Variants in PCDHA9 observed in about 807,000 individuals in gnomAD.
PCDHA9 encodes protocadherin alpha 9, also known as protocadherin alpha-9.
Under a neutral mutation model 62.0 loss-of-function variants are expected in PCDHA9, and 62 were observed. The ratio of observed to expected loss-of-function variants is 1.00; its 90% CI spans 0.81 to 1.23. The LOEUF is 1.23. Ranked by LOEUF, PCDHA9 falls within the 50% of genes most tolerant of loss-of-function variation. The pLI is 0.00. For synonymous variants in PCDHA9, 557 were observed against 567.6 expected, an observed-to-expected ratio of 0.98 and a Z score of 0.27; for missense variants, 1,205 against 1,249.8, an observed-to-expected ratio of 0.96 and a Z score of 0.54.
At position 141,009,849 on chromosome 5, in the gene PCDHA9, C is replaced by T. The variant is rs782348993; in HGVS notation, c.2765C>T (p.Thr922Ile). 54 of 1,613,364 alleles carry T rather than the reference C, an allele frequency of 3.3e-5. No individual in the cohort carries two copies. The South Asian group carries it at 5.8e-4, about 17-fold the overall frequency. ...DFITFGKKEETKKKKKKKKGN... is the reference protein window; with the variant it reads ...DFITFGKKEEIKKKKKKKKGN... ...ATAACCTTCGGCAAAAAGGAGGAGA[C>T]CAAGAAAAAGAAGAAAAAGAAGAAG... Residue 922 changes from threonine to isoleucine, a missense_variant, in exon 4 of 4, where the codon ACC becomes ATC. Around this residue, in one of 3 missense-constraint regions of PCDHA9, gnomAD observed 887 missense variants for 809.5 expected, o/e 1.10. Transcript: ENST00000532602.
intron 1 of PCDHA9, among the ~76,000 whole-genome samples, chr5:140,952,008 G>A (rs1427518321): frequency 6.6e-6 from 1 of 152,132 alleles, no homozygotes; most frequent in Non-Finnish European, 1.5e-5. Context: ...AAGAATTATA[G>A]GCCCCATGCA....
At position 140,848,612 on chromosome 5, in the gene PCDHA9, C is replaced by T. The variant is rs141640003; in HGVS notation, c.117C>T (p.Ala39=). The T allele has an allele frequency of 2.7e-3, 4,330 of 1,586,952 alleles. 470 individuals carry two copies. Among genetic ancestry groups the T allele is most frequent in the Middle Eastern group, 9.9e-3 (57 of 5,730 alleles). The change falls in exon 1 of 4, where the codon GCC becomes GCT. Residue 39 remains alanine, a synonymous_variant. Coordinates refer to ENST00000532602, the MANE Select transcript of PCDHA9 (RefSeq NM_031857.2). Reference sequence around the variant, plus strand: ...TCCACTACTCCGTCCCGGAGGAAGCCGAACACGGCACCTTCGTGGGCCGCA... The same window carrying T: ...TCCACTACTCCGTCCCGGAGGAAGCTGAACACGGCACCTTCGTGGGCCGCA... ...GQLHYSVPEE[A]EHGTFVGRIA... is the part of the protein sequence containing the mutation.
At chr5:140,995,653 G>A (rs964259982) in intron 3 of PCDHA9, among the ~76,000 whole-genome samples, 1 of 152,100 alleles carries the variant, frequency 6.6e-6, no homozygotes, top group Non-Finnish European at 1.5e-5. Context: ...AAGGAGAATC[G>A]AAAAGGGAAG....
chr5:140,896,276 G>A (rs1368035002), intron 1 of PCDHA9, among the ~76,000 whole-genome samples: 1 of 152,176 alleles, frequency 6.6e-6, no homozygotes, highest in Non-Finnish European at 1.5e-5. Context: ...GGATTTGCTG[G>A]CTTGAATGGT....
At chr5:140,882,658 G>T in intron 1 of PCDHA9, 4 of 1,614,148 alleles carry the variant, frequency 2.5e-6, no homozygotes, top group South Asian at 1.1e-5. Flanking sequence ...ACGACAACCC[G>T]CCCATATTCC....
In PCDHA9 at chr5:140,848,502, T is replaced by C. The variant is rs2150411498; in HGVS notation, c.7T>C (p.Tyr3His). The change falls in exon 1 of 4, where the codon TAC (tyrosine) becomes CAC (histidine). Residue 3 changes from tyrosine (Y) to histidine (H), a missense_variant. Tyr to His is a moderately conservative substitution (Grantham distance 83). Around this residue, in one of 3 missense-constraint regions of PCDHA9, gnomAD observed 208 missense variants for 213.2 expected, o/e 0.98. Coordinates refer to ENST00000532602, the MANE Select transcript of PCDHA9 (RefSeq NM_031857.2). Reference protein sequence around the residue: MLYSSRGDPEGQP... With the variant: MLHSSRGDPEGQP... ...AGAAGACTGAGTATTTGAAATGTTA[T>C]ACTCAAGTCGAGGAGATCCAGAGGG... is the stretch of plus-strand genomic sequence containing the variant. 1 of 1,586,510 alleles carries C rather than the reference T, an allele frequency of 6.3e-7. No homozygotes were observed. The highest frequency in any genetic ancestry group is 8.6e-7 in the Non-Finnish European group (1 of 1,160,900).
intron 3 of PCDHA9, among the ~76,000 whole-genome samples, chr5:140,994,140 A>G (rs768317904): frequency 7.2e-5 from 11 of 152,230 alleles, no homozygotes; most frequent in Non-Finnish European, 1.5e-4. Context: ...ATAATGCCCT[A>G]CGTAGGTAGG....
At chr5:140,959,285 G>A (rs2095478960) in intron 1 of PCDHA9, among the ~76,000 whole-genome samples, 1 of 152,002 alleles carries the variant, frequency 6.6e-6, no homozygotes, top group African/African-American at 2.4e-5. Flanking sequence ...CCTGAGGTGG[G>A]AGCATCACTG....
intron 1 of PCDHA9, chr5:140,929,115 C>T: frequency 6.2e-7 from 1 of 1,614,136 alleles, no homozygotes. Context: ...CATCAGCCAC[C>T]ATAGATGTCA....
chr5:140,879,806 T>C (rs2058125905), intron 1 of PCDHA9, among the ~76,000 whole-genome samples: 1 of 152,250 alleles, frequency 6.6e-6, no homozygotes, highest in Non-Finnish European at 1.5e-5. Context: ...CCAGTTTCTA[T>C]TGGCTGTTGG....
chr5:140,998,708 G>A (rs2153953637), intron 3 of PCDHA9, among the ~76,000 whole-genome samples: 1 of 152,142 alleles, frequency 6.6e-6, no homozygotes, highest in South Asian at 2.1e-4. Context: ...GGGATTACAA[G>A]CTTGCACCAC....
At chr5:140,869,882 T>C (rs1181573683) in intron 1 of PCDHA9, 1 of 1,610,250 alleles carries the variant, frequency 6.2e-7, no homozygotes, top group African/African-American at 1.3e-5. Flanking sequence ...AAAGAAACTC[T>C]TGTGCTCAAA....
At chr5:140,917,330 A>G (rs155802) in intron 1 of PCDHA9, among the ~76,000 whole-genome samples, 15,235 of 96,446 alleles carry the variant, frequency 0.16, 1,247 homozygotes, top group East Asian at 0.38. Context: ...GTGGCGGGGG[A>G]GGGGGGGGAT....
At chr5:140,924,895 AAAAAAAAAAATAAAATAAAATAAAAT>A (rs1157767234) in intron 1 of PCDHA9, among the ~76,000 whole-genome samples, 8 of 132,230 alleles carry the variant, frequency 6.1e-5, no homozygotes, top group East Asian at 2.1e-4. Flanking sequence ...AACCTGTCTC[AAAAAAAAAAATAAAATAAAATAAAAT>A]AAAATAAAAT....
rs2150532197 is a variant in PCDHA9, at chr5:140,853,456, T to A, written c.2394+2567T>A. 114 of 975,538 alleles carry A rather than the reference T, an allele frequency of 1.2e-4. 11 individuals are homozygous for A. The Admixed American group carries it at 6.5e-3, about 55-fold the overall frequency. The allele number at this position is 975,538 out of a possible 1,614,324, so 60.4% of individuals were successfully genotyped here. A position where few individuals can be genotyped will look rare whatever the true frequency, so the allele number is the denominator to read the frequency against. ...TCCTATTTTGCCTAATAGGTCTCCT[T>A]ATATGCATCTGTAGTTAACATTCCT... On this transcript the variant is annotated intron_variant, in intron 1 of 3. Transcript: ENST00000532602.
In PCDHA9 at chr5:140,931,701, A is replaced by G. The variant is rs78657610; in HGVS notation, c.2395-47248A>G. Among the ~76,000 whole-genome samples the G allele has an allele frequency of 8.3e-3, 1,259 of 152,106 alleles. 10 individuals are homozygous for G. Among genetic ancestry groups the G allele is most frequent in the Non-Finnish European group, 0.014 (970 of 67,850 alleles). ...TAAATGAATTGTGATTCATAAAACC[A>G]TGAATAAAATAACTTCTATAAATAT... On this transcript the variant is annotated intron_variant, in intron 1 of 3. Coordinates refer to ENST00000532602, the MANE Select transcript of PCDHA9 (RefSeq NM_031857.2).
At chr5:140,976,666 A>G (rs1260651584) in intron 1 of PCDHA9, among the ~76,000 whole-genome samples, 4 of 152,188 alleles carry the variant, frequency 2.6e-5, no homozygotes, top group African/African-American at 9.6e-5. Flanking sequence ...CAAAGTTCAG[A>G]TGTCTCATTT....
chr5:140,929,163 G>T lies in PCDHA9; in HGVS notation c.2395-49786G>T, dbSNP rs142058597. On this transcript the variant is annotated intron_variant, in intron 1 of 3. Coordinates refer to ENST00000532602, the MANE Select transcript of PCDHA9 (RefSeq NM_031857.2). ...GACTTTCTCAGACTTATCTCTATCG[G>T]GCCTCTCTGGGACTTGGTTCTGATA... 2.4e-4 allele frequency: 385 copies of T among 1,614,058 alleles called. 2 individuals carry two copies. In the African/African-American group the frequency reaches 4.5e-3, roughly 19 times the overall value.
rs189936741 is a variant in PCDHA9, at chr5:140,928,492, C to T, written c.2395-50457C>T. The T allele has an allele frequency of 1.5e-5, 24 of 1,614,150 alleles. No individual in the cohort carries two copies. In the East Asian group the frequency reaches 5.3e-4, roughly 36 times the overall value. ...AGAAGGCCGGGATGGTGGCATTCCT[C>T]CCAGAAGTGCAACAGTGACTATAAA... On this transcript the variant is annotated intron_variant, in intron 1 of 3. Transcript: ENST00000532602.
Sources: gnomAD v4.1 joint callset for allele counts (sites outside exome capture counted in the v4.1 genomes callset) on GRCh38, gnomAD v4.1.1 for gene constraint, gnomAD v4.1.1 regional missense constraint, MANE v1.5 for transcripts, NCBI Gene and HGNC (gene_info 2026-07-23, HGNC 2026-07-21) for gene names.